The following LCTL variants were observed in gnomAD, a reference collection of about 807,000 sequenced individuals.
The protein encoded by LCTL is lactase like, also known as lactase-like protein.
Under a neutral mutation model 75.8 loss-of-function variants are expected in LCTL, and 76 were observed. That is an observed-to-expected ratio of 1.00 (90% CI 0.83 to 1.21). The LOEUF is 1.21. Ranked by LOEUF, LCTL falls within the 50% of genes most tolerant of loss-of-function variation. The probability of loss-of-function intolerance (pLI) is 0.00; values close to 1 mark genes in which losing one functional copy is unlikely to be tolerated. For missense variants in LCTL, 670 were observed against 712.4 expected (o/e 0.94, Z 0.68); for synonymous variants, 271 against 268.8 (o/e 1.01, Z -0.08).
chr15:66,564,818 C>G (rs1490054846), exon 2 of LCTL: 2 of 1,612,590 alleles, frequency 1.2e-6, no homozygotes, highest in Non-Finnish European at 1.7e-6. Context: ...GTAGGCAGAA[C>G]TGCCCACGCC....
chr15:66,562,137 TC>T (rs1247452026), intron 4 of LCTL, among the ~76,000 whole-genome samples: 4 of 152,278 alleles, frequency 2.6e-5, no homozygotes, highest in South Asian at 4.1e-4. Flanking sequence ...GCGCAGTGGC[TC>T]ACGCCTGTAA....
chr15:66,564,816 A>G, exon 2 of LCTL: 3 of 1,612,750 alleles, frequency 1.9e-6, no homozygotes, highest in Non-Finnish European at 2.5e-6. Context: ...TGGTAGGCAG[A>G]ACTGCCCACG....
In LCTL at chr15:66,564,863, G is replaced by A. The variant is rs751274625; in HGVS notation, c.119-24C>T. 3.6e-5 allele frequency: 57 copies of A among 1,600,874 alleles called. No homozygotes were observed. In the East Asian group the frequency reaches 1.2e-3, roughly 35 times the overall value. On this transcript the variant is annotated intron_variant, in intron 1 of 12. Coordinates refer to ENST00000341509, the Ensembl canonical transcript of LCTL. ...GCCTGCAGGGGGAGACCCGTGCTGG[G>A]TCCCAGGTGCTCCCATGTGTCACCC... is the stretch of plus-strand genomic sequence containing the variant.
chr15:66,549,239 G>C (rs1237936002), intron 12 of LCTL: 4 of 152,060 alleles, frequency 2.6e-5, no homozygotes, highest in African/African-American at 7.2e-5. Context: ...AGTGAATTCT[G>C]TACCACATTT....
At chr15:66,555,598 A>G (rs1192843349) in intron 8 of LCTL, among the ~76,000 whole-genome samples, 1 of 152,116 alleles carries the variant, frequency 6.6e-6, no homozygotes, top group Non-Finnish European at 1.5e-5. Context: ...CACCGTGACA[A>G]TTAATTAGGC....
exon 5 of LCTL, chr15:66,561,228 C>T: frequency 3.7e-6 from 6 of 1,614,226 alleles, no homozygotes; most frequent in Non-Finnish European, 5.1e-6. Context: ...ACACGGTCCC[C>T]AAAGGCCTCA....
intron 12 of LCTL, chr15:66,548,848 T>C (rs773411956): frequency 3.3e-5 from 9 of 270,120 alleles, no homozygotes; most frequent in Middle Eastern, 2.3e-3. Flanking sequence ...CTTCTACAGG[T>C]GCTATAATAA....
At chr15:66,555,298 T>A (rs766728218) in intron 8 of LCTL, among the ~76,000 whole-genome samples, 18 of 151,336 alleles carry the variant, frequency 1.2e-4, no homozygotes, top group Admixed American at 2.6e-4. Flanking sequence ...ATTTTAATTT[T>A]AAATTTTTTT....
intron 12 of LCTL, 135 bp downstream of exon 13, chr15:66,549,906 A>G: frequency 1.9e-6 from 1 of 522,656 alleles, no homozygotes; most frequent in Non-Finnish European, 3.3e-6. Flanking sequence ...CATTGCTTCA[A>G]AGAAACCTGA....
intron 8 of LCTL, among the ~76,000 whole-genome samples, chr15:66,554,366 G>A (rs1376007282): frequency 6.6e-6 from 1 of 151,842 alleles, no homozygotes; most frequent in African/African-American, 2.4e-5. Context: ...AGCTGAGGCA[G>A]GAGAATCACT....
chr15:66,561,317 T>C lies in LCTL; in HGVS notation c.481-2A>G. Reference sequence around the variant, plus strand: ...CCCACCGTATTTGACCTGGAGCAGCTGTGAACACAGAGAAGCAGATGCCCC... The same window carrying C: ...CCCACCGTATTTGACCTGGAGCAGCCGTGAACACAGAGAAGCAGATGCCCC... On this transcript the variant is annotated splice_acceptor_variant, in intron 4 of 12. Coordinates refer to ENST00000341509, the Ensembl canonical transcript of LCTL. LOFTEE classifies it high-confidence loss of function. 3 of 1,614,226 alleles carry C rather than the reference T, an allele frequency of 1.9e-6. No individual in the cohort carries two copies. Among genetic ancestry groups the C allele is most frequent in the Non-Finnish European group, 2.5e-6 (3 of 1,180,036 alleles).
intron 6 of LCTL, among the ~76,000 whole-genome samples, chr15:66,558,576 T>C (rs1300513051): frequency 6.6e-6 from 1 of 151,960 alleles, no homozygotes; most frequent in Non-Finnish European, 1.5e-5. Flanking sequence ...GTCATCAGGA[T>C]CCACTGGGAA....
intron 8 of LCTL, 100 bp from the exon 10 acceptor site, chr15:66,553,358 C>A: frequency 9.6e-7 from 1 of 1,045,900 alleles, no homozygotes; most frequent in Non-Finnish European, 1.3e-6. Context: ...AAACGGTGGG[C>A]TTTAGGATTC....
exon 5 of LCTL, chr15:66,561,245 A>C (rs200524963): frequency 3.0e-5 from 48 of 1,614,098 alleles, no homozygotes; most frequent in Non-Finnish European, 4.2e-6. Flanking sequence ...CTCAAAGCAC[A>C]GGTTGGCGTA....
intron 9 of LCTL, among the ~76,000 whole-genome samples, chr15:66,552,599 G>A (rs1226497745): frequency 6.6e-6 from 1 of 150,880 alleles, no homozygotes; most frequent in Non-Finnish European, 1.5e-5. Flanking sequence ...GAACCTGGAA[G>A]GCAGAGGTGG....
chr15:66,561,942 C>CT (rs1349553229), intron 4 of LCTL, among the ~76,000 whole-genome samples: 3 of 152,136 alleles, frequency 2.0e-5, no homozygotes, highest in Non-Finnish European at 4.4e-5. Context: ...TCTCCAGCCT[C>CT]TAACCCTTCC....
At chr15:66,553,721 C>T (rs1038289908) in intron 8 of LCTL, among the ~76,000 whole-genome samples, 4 of 149,464 alleles carry the variant, frequency 2.7e-5, no homozygotes, top group Non-Finnish European at 4.4e-5. Context: ...TGCCACTGCA[C>T]TCCAGCCTGG....
In LCTL at chr15:66,561,005, C is replaced by T. The variant is rs1165454536; in HGVS notation, c.705+1G>A. The T allele has an allele frequency of 1.9e-6, 3 of 1,613,576 alleles. No homozygotes were observed. Among genetic ancestry groups the T allele is most frequent in the South Asian group, 2.2e-5 (2 of 91,074 alleles). On this transcript the variant is annotated splice_donor_variant, in intron 6 of 12. Coordinates refer to ENST00000341509, the Ensembl canonical transcript of LCTL. LOFTEE classifies it high-confidence loss of function. ...TCCTCCACCAGAAGGACCCACCTCA[C>T]CTTAATGATGTGGTGTGCTGCCTTG...
Position 66,563,976 on chromosome 15 carries a change from TC to T in LCTL, c.304del (p.Glu102AsnfsTer26). 6.2e-7 allele frequency: 1 copy of T among 1,613,888 alleles called. No individual in the cohort carries two copies. The highest frequency in any genetic ancestry group is 8.5e-7 in the Non-Finnish European group (1 of 1,179,928). The stretch of plus-strand genomic sequence containing the variant: ...GAATCGGTAGTGGTTGACGTGCAGT[TC>T]CCTCAGCAGAATGATGTCCTCCTGT... On this transcript the variant is annotated frameshift_variant, in exon 3 of 13. Transcript: ENST00000341509. LOFTEE classifies it high-confidence loss of function.
Sources: allele counts gnomAD v4.1 joint callset (sites outside exome capture counted in the v4.1 genomes callset), GRCh38; gene constraint gnomAD v4.1.1; transcripts MANE v1.5; gene names NCBI Gene and HGNC (gene_info 2026-07-23, HGNC 2026-07-21).